Variants in USP3 observed in about 807,000 individuals in gnomAD.
USP3 encodes ubiquitin specific peptidase 3, also known as ubiquitin carboxyl-terminal hydrolase 3.
Under a neutral mutation model 72.3 loss-of-function variants are expected in USP3, and 20 were observed. That is an observed-to-expected ratio of 0.28 (90% CI 0.19 to 0.40). The LOEUF is 0.40. Ranked by LOEUF, USP3 falls within the 10% of genes least tolerant of loss-of-function variation. The pLI is 1.00. For synonymous variants in USP3, 222 were observed against 225.3 expected, an observed-to-expected ratio of 0.99 and a Z score of 0.13; for missense variants, 479 against 633.9, an observed-to-expected ratio of 0.76 and a Z score of 2.62.
intron 6 of USP3, 94 bp downstream of exon 6, chr15:63,558,282 T>C (rs1322240067): frequency 7.2e-6 from 10 of 1,385,908 alleles, no homozygotes; most frequent in East Asian, 2.3e-5. Context: ...TCTAGTCATA[T>C]GGTTTGGAGC....
rs2065747759 is a variant in USP3 at position 63,508,873 on chromosome 15, GT to G, written c.91+4047del. Among the ~76,000 whole-genome samples, 4 of 152,274 alleles carry G rather than the reference GT, an allele frequency of 2.6e-5. No individual in the cohort carries two copies. The South Asian group carries it at 8.3e-4, about 32-fold the overall frequency. ...CAATGAGTTGAGAGTGCCTCTTTAA[GT>G]TTTCAGTACACACTTGCCTTCATAT... is the stretch of plus-strand genomic sequence containing the variant. On this transcript the variant is annotated intron_variant, in intron 1 of 14. Transcript: ENST00000380324.
At chr15:63,511,171 C>G (rs1031419717) in intron 1 of USP3, among the ~76,000 whole-genome samples, 18 of 141,564 alleles carry the variant, frequency 1.3e-4, no homozygotes, top group African/African-American at 3.9e-4. Flanking sequence ...GAAACTGAGA[C>G]AAAGGTTACG....
chr15:63,559,845 CT>C lies in USP3; in HGVS notation c.534-8del, dbSNP rs1567115456. ...TTCTTTTTAAAATATTTTTCCCTTC[CT>C]TTTAAAATAGTAACATTGAGCAGTT... On this transcript the variant is annotated splice_polypyrimidine_tract_variant and intron_variant, in intron 6 of 14. Transcript: ENST00000380324. 3 of 1,602,694 alleles carry C rather than the reference CT, an allele frequency of 1.9e-6. No individual in the cohort carries two copies. In the African/African-American group the frequency reaches 4.0e-5, roughly 22 times the overall value.
intron 7 of USP3, among the ~76,000 whole-genome samples, chr15:63,560,612 CTG>C (rs1353895491): frequency 6.6e-6 from 1 of 151,430 alleles, no homozygotes; most frequent in Non-Finnish European, 1.5e-5. Flanking sequence ...TTAGGTAAAC[CTG>C]TCTTGGATAC....
intron 3 of USP3, among the ~76,000 whole-genome samples, chr15:63,545,241 T>C (rs917573530): frequency 6.6e-6 from 1 of 152,216 alleles, no homozygotes; most frequent in African/African-American, 2.4e-5. Flanking sequence ...GTGTTTCTTA[T>C]GAAAATTTAC....
At chr15:63,520,947 T>G (rs1467432238) in intron 1 of USP3, among the ~76,000 whole-genome samples, 2 of 152,124 alleles carry the variant, frequency 1.3e-5, no homozygotes, top group South Asian at 4.1e-4. Context: ...TTCCAAAAGT[T>G]AAAACTACAC....
At chr15:63,504,972 C>A in intron 1 of USP3, 142 bp downstream of exon 1, 1 of 473,574 alleles carries the variant, frequency 2.1e-6, no homozygotes. Context: ...GGGGAGGGTA[C>A]GCGATGAGGC....
chr15:63,550,517 A>C (rs992423065), intron 3 of USP3, among the ~76,000 whole-genome samples: 2 of 152,256 alleles, frequency 1.3e-5, no homozygotes, highest in African/African-American at 4.8e-5. Context: ...CTACAACATA[A>C]GATCAGTTTT....
chr15:63,590,926 A>ATTTCCTATTTTGGAT lies in USP3; in HGVS notation c.*103_*117dup. On this transcript the variant is annotated 3_prime_UTR_variant, in exon 15 of 15. Coordinates refer to ENST00000380324, the MANE Select transcript of USP3 (RefSeq NM_006537.4). ...ATTTAATTTCATTATGCACTTTTCA[A>ATTTCCTATTTTGGAT]TTTCCTATTTTGGATTTAGTTTTGT... is the stretch of plus-strand genomic sequence containing the variant. 7.3e-7 allele frequency: 1 copy of ATTTCCTATTTTGGAT among 1,375,598 alleles called. No homozygotes were observed. Among genetic ancestry groups the ATTTCCTATTTTGGAT allele is most frequent in the South Asian group, 1.8e-5 (1 of 55,318 alleles). The allele number at this position is 1,375,598 out of a possible 1,614,324, so 85.2% of individuals were successfully genotyped here. A position where few individuals can be genotyped will look rare whatever the true frequency, so the allele number is the denominator to read the frequency against.
At chr15:63,552,055 G>T (rs1339474251) in intron 3 of USP3, among the ~76,000 whole-genome samples, 2 of 152,162 alleles carry the variant, frequency 1.3e-5, no homozygotes, top group Non-Finnish European at 2.9e-5. Flanking sequence ...GCAGTTAGAG[G>T]TTCAGTTTTC....
intron 1 of USP3, among the ~76,000 whole-genome samples, chr15:63,519,062 G>T (rs1010482660): frequency 1.3e-5 from 2 of 152,188 alleles, no homozygotes; most frequent in African/African-American, 4.8e-5. Context: ...ACCGCGCCTG[G>T]CCGGGTCTTT....
intron 3 of USP3, chr15:63,542,159 GA>G (rs140886285): frequency 4.1e-6 from 4 of 985,014 alleles, no homozygotes; most frequent in East Asian, 2.3e-4. Flanking sequence ...AACAGGAATT[GA>G]AAAAAACTTA....
intron 2 of USP3, 114 bp downstream of exon 2, chr15:63,532,821 T>C: frequency 1.8e-6 from 2 of 1,101,648 alleles, no homozygotes; most frequent in South Asian, 1.4e-5. Context: ...TCATAATGCA[T>C]AATTCCCTGT....
At chr15:63,517,813 G>T (rs2065872100) in intron 1 of USP3, among the ~76,000 whole-genome samples, 2 of 152,134 alleles carry the variant, frequency 1.3e-5, no homozygotes, top group African/African-American at 4.8e-5. Flanking sequence ...CCTCCCATCT[G>T]CATTCTTCCT....
chr15:63,507,200 A>T (rs1398020530), intron 1 of USP3, among the ~76,000 whole-genome samples: 1 of 151,972 alleles, frequency 6.6e-6, no homozygotes, highest in Non-Finnish European at 1.5e-5. Context: ...GGAGGGGAAA[A>T]TCCCTGTTTT....
chr15:63,545,995 A>C (rs1017984488), intron 3 of USP3, among the ~76,000 whole-genome samples: 16 of 150,060 alleles, frequency 1.1e-4, no homozygotes, highest in African/African-American at 2.9e-4. Flanking sequence ...AAAAAAAAAA[A>C]CAGTAGAGCT....
intron 1 of USP3, among the ~76,000 whole-genome samples, chr15:63,507,614 A>G (rs1168545806): frequency 6.6e-6 from 1 of 152,216 alleles, no homozygotes; most frequent in African/African-American, 2.4e-5. Flanking sequence ...GATGCTTTAC[A>G]GGGAGATACA....
intron 2 of USP3, among the ~76,000 whole-genome samples, chr15:63,534,301 T>G (rs1290978595): frequency 6.6e-6 from 1 of 152,198 alleles, no homozygotes; most frequent in Non-Finnish European, 1.5e-5. Context: ...TATTGATTTT[T>G]TGGTAATTTT....
intron 4 of USP3, among the ~76,000 whole-genome samples, chr15:63,554,312 G>A (rs2066477146): frequency 6.6e-6 from 1 of 152,170 alleles, no homozygotes; most frequent in Non-Finnish European, 1.5e-5. Flanking sequence ...TTAAATATCA[G>A]TTGACATTAC....
Sources: allele counts gnomAD v4.1 joint callset (sites outside exome capture counted in the v4.1 genomes callset), GRCh38; gene constraint gnomAD v4.1.1; transcripts MANE v1.5; gene names NCBI Gene and HGNC (gene_info 2026-07-23, HGNC 2026-07-21).